Variants in IQCM observed in about 807,000 individuals in gnomAD.
The protein encoded by IQCM is IQ domain-containing protein M.
In IQCM, 45 loss-of-function variants were observed where a neutral mutation model predicts 57.6. The observed-to-expected ratio is 0.78, with a 90% CI of 0.62 to 1.00. IQCM has a LOEUF of 1.00. Ranked by LOEUF, IQCM falls within the 50% of genes least tolerant of loss-of-function variation. The pLI, the probability that IQCM is intolerant of heterozygous loss-of-function variation, is 0.00. For missense variants in IQCM, 468 were observed against 511.6 expected, an observed-to-expected ratio of 0.91 and a Z score of 0.82; for synonymous variants, 148 against 158.9, an observed-to-expected ratio of 0.93 and a Z score of 0.51.
intron 2 of IQCM, among the ~76,000 whole-genome samples, chr4:149,794,006 G>A (rs1382159632): frequency 6.6e-6 from 1 of 152,222 alleles, no homozygotes; most frequent in Non-Finnish European, 1.5e-5. Flanking sequence ...TGTAATGAGT[G>A]TTCTACAGTG....
chr4:149,372,118 A>G (rs1026408513), intron 13 of IQCM, among the ~76,000 whole-genome samples: 2 of 152,212 alleles, frequency 1.3e-5, no homozygotes, highest in Admixed American at 1.3e-4. Context: ...TTAAGGAGCT[A>G]CTAAATGCCA....
At chr4:149,746,642 G>A (rs752268436) in intron 2 of IQCM, among the ~76,000 whole-genome samples, 5 of 152,252 alleles carry the variant, frequency 3.3e-5, no homozygotes, top group Middle Eastern at 6.8e-3. Context: ...ACTCCACACA[G>A]AACTGAGCCA....
At chr4:149,624,011 T>G (rs559473023) in intron 7 of IQCM, among the ~76,000 whole-genome samples, 1 of 152,314 alleles carries the variant, frequency 6.6e-6, no homozygotes, top group African/African-American at 2.4e-5. Context: ...TTCTTCAATA[T>G]TTTAGACTAT....
chr4:149,807,172 G>A (rs1215267200), intron 2 of IQCM, among the ~76,000 whole-genome samples: 2 of 151,670 alleles, frequency 1.3e-5, no homozygotes, highest in East Asian at 3.9e-4. Flanking sequence ...AAAACTCATA[G>A]GGAATCATGA....
At chr4:149,611,088 C>A (rs1010462137) in intron 8 of IQCM, among the ~76,000 whole-genome samples, 1 of 151,788 alleles carries the variant, frequency 6.6e-6, no homozygotes, top group African/African-American at 2.4e-5. Flanking sequence ...GACATACAAA[C>A]GGTCAAGTAT....
At chr4:149,417,498 G>A (rs935218819) in intron 13 of IQCM, among the ~76,000 whole-genome samples, 1 of 152,068 alleles carries the variant, frequency 6.6e-6, no homozygotes, top group African/African-American at 2.4e-5. Flanking sequence ...ATATTTCTGG[G>A]TGTCACCTTA....
chr4:149,435,222 T>C (rs1312607375), intron 12 of IQCM, among the ~76,000 whole-genome samples: 1 of 152,138 alleles, frequency 6.6e-6, no homozygotes, highest in Non-Finnish European at 1.5e-5. Flanking sequence ...TGTTTCTATC[T>C]GCTAAGTGGA....
intron 13 of IQCM, among the ~76,000 whole-genome samples, chr4:149,374,368 G>A (rs1458504706): frequency 6.6e-6 from 1 of 152,096 alleles, no homozygotes; most frequent in Non-Finnish European, 1.5e-5. Flanking sequence ...AGTGCTGCCT[G>A]ATAGAAGTTC....
chr4:149,402,396 C>CA (rs1329549535), intron 13 of IQCM, among the ~76,000 whole-genome samples: 1 of 151,684 alleles, frequency 6.6e-6, no homozygotes, highest in Non-Finnish European at 1.5e-5. Flanking sequence ...AAGTGTACCT[C>CA]AGAAATTAAT....
chr4:149,558,956 T>C (rs1000533878), intron 10 of IQCM, among the ~76,000 whole-genome samples: 1 of 152,174 alleles, frequency 6.6e-6, no homozygotes, highest in Non-Finnish European at 1.5e-5. Context: ...AAACACAGTG[T>C]TGAAAATTGG....
intron 5 of IQCM, among the ~76,000 whole-genome samples, chr4:149,724,191 T>C (rs1483543848): frequency 6.6e-6 from 1 of 151,936 alleles, no homozygotes; most frequent in Non-Finnish European, 1.5e-5. Context: ...TAGAACCAGT[T>C]CCCCACAGAT....
intron 2 of IQCM, among the ~76,000 whole-genome samples, chr4:149,771,837 T>C (rs1770613307): frequency 6.6e-6 from 1 of 152,166 alleles, no homozygotes; most frequent in South Asian, 2.1e-4. Flanking sequence ...AAATAGATCA[T>C]ACTAACAGAT....
chr4:149,458,972 G>T (rs1025695761), intron 12 of IQCM, among the ~76,000 whole-genome samples: 1 of 152,126 alleles, frequency 6.6e-6, no homozygotes, highest in Non-Finnish European at 1.5e-5. Context: ...GCTAGATAGA[G>T]GGTTTCTGTT....
chr4:149,648,202 G>A (rs1189164598), intron 7 of IQCM, among the ~76,000 whole-genome samples: 1 of 152,014 alleles, frequency 6.6e-6, no homozygotes, highest in Non-Finnish European at 1.5e-5. Flanking sequence ...TCTGATTGAA[G>A]CTGTTATAAT....
chr4:149,599,560 A>G (rs1754082233), intron 8 of IQCM, among the ~76,000 whole-genome samples: 1 of 152,126 alleles, frequency 6.6e-6, no homozygotes, highest in Admixed American at 6.6e-5. Flanking sequence ...ACATGCAGGT[A>G]TACATATATA....
chr4:149,397,371 T>C (rs1158476748), intron 13 of IQCM, among the ~76,000 whole-genome samples: 4 of 151,936 alleles, frequency 2.6e-5, no homozygotes, highest in Non-Finnish European at 4.4e-5. Context: ...CCAAATCGAA[T>C]CTCGAATTGT....
intron 13 of IQCM, among the ~76,000 whole-genome samples, chr4:149,432,468 T>A (rs1020749240): frequency 6.6e-6 from 1 of 152,016 alleles, no homozygotes; most frequent in African/African-American, 2.4e-5. Context: ...AGAACTTCAA[T>A]TTATATCTTG....
chr4:149,759,830 A>G (rs1400983673), intron 2 of IQCM, among the ~76,000 whole-genome samples: 2 of 152,138 alleles, frequency 1.3e-5, no homozygotes, highest in Non-Finnish European at 2.9e-5. Context: ...CAAGCATTCA[A>G]CTTTAACAGA....
intron 12 of IQCM, among the ~76,000 whole-genome samples, chr4:149,527,231 T>G (rs1186687855): frequency 1.3e-5 from 2 of 152,236 alleles, no homozygotes; most frequent in Non-Finnish European, 2.9e-5. Flanking sequence ...ACTAAGGATA[T>G]GAAGTGACTA....
Sources: allele counts gnomAD v4.1 joint callset (sites outside exome capture counted in the v4.1 genomes callset), GRCh38; gene constraint gnomAD v4.1.1; transcripts MANE v1.5; gene names NCBI Gene and HGNC (gene_info 2026-07-23, HGNC 2026-07-21).